Variants in ADAMTS16 observed in about 807,000 individuals in gnomAD.
ADAMTS16 encodes the protein A disintegrin and metalloproteinase with thrombospondin motifs 16.
A neutral mutation model predicts 145.8 loss-of-function variants in ADAMTS16; 94 were observed. That is an observed-to-expected ratio of 0.64 (90% CI 0.55 to 0.77). The LOEUF (loss-of-function observed/expected upper bound fraction) is 0.77, where lower values mean the gene tolerates loss of function less well. Among genes scored for constraint, ADAMTS16 ranks in the 30% least tolerant of loss-of-function variants. The pLI is 0.00. For synonymous variants in ADAMTS16, 659 were observed against 604.3 expected (o/e 1.09, Z -1.33); for missense variants, 1,585 against 1,591.5 (o/e 1.00, Z 0.07).
chr5:5,222,809 G>T lies in ADAMTS16; in HGVS notation c.1626G>T (p.Trp542Cys), dbSNP rs1435267724. 6.2e-7 allele frequency: 1 copy of T among 1,614,062 alleles called. No individual in the cohort carries two copies. The highest frequency in any genetic ancestry group is 8.5e-7 in the Non-Finnish European group (1 of 1,179,966). ...TTTAGGACATCTGTAAAGCCCTGTG[G>T]TGCCATCGTATTGGAAGGAAATGTG... is the stretch of plus-strand genomic sequence containing the variant. ...DFKKDICKAL[W>C]CHRIGRKCET... The change falls in exon 11 of 23, where the codon TGG becomes TGT. Residue 542 changes from tryptophan (W) to cysteine (C), a missense_variant. This residue lies in a region of ADAMTS16 where 298 missense variants were observed against 367.6 expected (regional missense o/e 0.81). Transcript: ENST00000274181.
chr5:5,307,528 C>T (rs1458256140), intron 21 of ADAMTS16, among the ~76,000 whole-genome samples: 1 of 152,172 alleles, frequency 6.6e-6, no homozygotes, highest in African/African-American at 2.4e-5. Flanking sequence ...CGTGTGGCAA[C>T]AGCCCCTACA....
At chr5:5,180,869 T>C (rs1219576827) in intron 3 of ADAMTS16, among the ~76,000 whole-genome samples, 3 of 152,184 alleles carry the variant, frequency 2.0e-5, no homozygotes, top group Non-Finnish European at 4.4e-5. Flanking sequence ...TTACAGAATG[T>C]AACTATGGAT....
rs2964479 is a variant in ADAMTS16 at position 5,317,648 on chromosome 5, T to C, written c.3412-486T>C. Among the ~76,000 whole-genome samples the C allele has an allele frequency of 3.9e-5, 6 of 152,176 alleles. No individual in the cohort carries two copies. Among genetic ancestry groups the C allele is most frequent in the African/African-American group, 1.4e-4 (6 of 41,524 alleles). On this transcript the variant is annotated intron_variant, in intron 21 of 22. Transcript: ENST00000274181. The surrounding 1 kb of genome is among the most constrained non-coding windows in gnomAD (Gnocchi z 4.5). ...CCTGACCTCAGGTGATCCACCCGCC[T>C]CAGCCTCCCAAAGTGCTGGGATTAC...
chr5:5,173,175 C>CT (rs1735093028), intron 3 of ADAMTS16, among the ~76,000 whole-genome samples: 1 of 132,088 alleles, frequency 7.6e-6, no homozygotes, highest in Non-Finnish European at 1.7e-5. Flanking sequence ...ATCATTGGGT[C>CT]TTGTTTTTTT....
intron 11 of ADAMTS16, among the ~76,000 whole-genome samples, chr5:5,226,580 G>A (rs1299330969): frequency 6.6e-6 from 1 of 152,068 alleles, no homozygotes; most frequent in Non-Finnish European, 1.5e-5. Flanking sequence ...TATTAGTTGT[G>A]TGTCTGTGTG....
At position 5,306,590 on chromosome 5, in the gene ADAMTS16, C is replaced by G. The variant is rs758466599; in HGVS notation, c.3273C>G (p.Ala1091=). Residue 1091 remains alanine (A), a synonymous_variant, in exon 21 of 23, where the codon GCC becomes GCG. Transcript: ENST00000274181. ...TTTCTGGAAAGTATCGAGAGCTGGC[C>G]TCAAAGAAGTGCTCACATTTGCCGA... is the stretch of plus-strand genomic sequence containing the variant. ...KYVSGKYREL[A]SKKCSHLPKP... is the part of the protein sequence containing the mutation. 4 of 1,614,034 alleles carry G rather than the reference C, an allele frequency of 2.5e-6. No homozygotes were observed. Among genetic ancestry groups the G allele is most frequent in the Non-Finnish European group, 3.4e-6 (4 of 1,180,046 alleles).
At chr5:5,206,152 C>T (rs930560717) in intron 9 of ADAMTS16, among the ~76,000 whole-genome samples, 7 of 151,786 alleles carry the variant, frequency 4.6e-5, no homozygotes, top group South Asian at 2.1e-4. Flanking sequence ...TTTGGCCGGG[C>T]GCGGTGGCTC....
intron 10 of ADAMTS16, among the ~76,000 whole-genome samples, chr5:5,215,870 G>GTGTATGTATATATA (rs1260354840): frequency 9.8e-6 from 1 of 101,640 alleles, no homozygotes. Context: ...GTGTGTATGT[G>GTGTATGTATATATA]TATATATATA....
intron 18 of ADAMTS16, among the ~76,000 whole-genome samples, chr5:5,271,714 G>A (rs1313000993): frequency 6.6e-6 from 1 of 152,184 alleles, no homozygotes; most frequent in Non-Finnish European, 1.5e-5. Flanking sequence ...TTTCCAGATG[G>A]TAAATGGAGA....
chr5:5,232,858 C>G (rs1320428127), intron 12 of ADAMTS16, among the ~76,000 whole-genome samples: 2 of 152,108 alleles, frequency 1.3e-5, no homozygotes, highest in South Asian at 4.1e-4. Flanking sequence ...CCGCCGTGAC[C>G]TCCCAAAGTG....
At chr5:5,187,687 C>A in intron 5 of ADAMTS16, 38 bp from the exon 6 acceptor site, 1 of 1,446,860 alleles carries the variant, frequency 6.9e-7, no homozygotes, top group Admixed American at 1.7e-5. Context: ...GGGAAAATGC[C>A]ATTTATGGGG....
chr5:5,303,875 T>C, intron 20 of ADAMTS16, 109 bp downstream of exon 20: 1 of 1,278,272 alleles, frequency 7.8e-7, no homozygotes, highest in Non-Finnish European at 1.1e-6. Flanking sequence ...CCCTTATATC[T>C]CTTCTTGGCT....
chr5:5,279,301 G>A (rs1738811846), intron 18 of ADAMTS16, among the ~76,000 whole-genome samples: 1 of 152,228 alleles, frequency 6.6e-6, no homozygotes, highest in Non-Finnish European at 1.5e-5. Context: ...GGATTCTGGG[G>A]TGGAAGTCAC....
intron 18 of ADAMTS16, among the ~76,000 whole-genome samples, chr5:5,271,729 C>T (rs1738481844): frequency 6.6e-6 from 1 of 152,126 alleles, no homozygotes. Flanking sequence ...TGGAGACTTC[C>T]CCTCTGTTTT....
intron 3 of ADAMTS16, among the ~76,000 whole-genome samples, chr5:5,161,303 C>A (rs192150652): frequency 9.8e-5 from 15 of 152,310 alleles, no homozygotes; most frequent in Non-Finnish European, 1.3e-4. Context: ...GAGTTGGATA[C>A]TTTCAAGAGG....
intron 11 of ADAMTS16, among the ~76,000 whole-genome samples, chr5:5,228,545 T>C (rs569317788): frequency 1.3e-5 from 2 of 152,248 alleles, no homozygotes; most frequent in East Asian, 3.9e-4. Context: ...AAAGCTCTAT[T>C]TACCAACTCA....
chr5:5,243,601 T>G (rs964360783), intron 17 of ADAMTS16, among the ~76,000 whole-genome samples: 2 of 152,246 alleles, frequency 1.3e-5, no homozygotes, highest in Non-Finnish European at 2.9e-5. Context: ...AAATAGTAGT[T>G]GGTTAGGATA....
intron 3 of ADAMTS16, among the ~76,000 whole-genome samples, chr5:5,159,574 T>C (rs556430984): frequency 6.6e-6 from 1 of 152,224 alleles, no homozygotes; most frequent in African/African-American, 2.4e-5. Context: ...CATTTTGTAA[T>C]GCAAGCCAGT....
chr5:5,307,168 CG>C (rs1040796908), intron 21 of ADAMTS16, among the ~76,000 whole-genome samples: 7 of 152,176 alleles, frequency 4.6e-5, no homozygotes, highest in Non-Finnish European at 8.8e-5. Flanking sequence ...GTTCCTTCCT[CG>C]GGGTCTTTGT....
Sources: gnomAD v4.1 joint callset for allele counts (sites outside exome capture counted in the v4.1 genomes callset) on GRCh38, gnomAD v4.1.1 for gene constraint, gnomAD v4.1.1 regional missense constraint, Gnocchi (gnomAD v3.1) non-coding constraint, MANE v1.5 for transcripts, NCBI Gene and HGNC (gene_info 2026-07-23, HGNC 2026-07-21) for gene names.